The following WWTR1 variants were observed in gnomAD, a reference collection of about 807,000 sequenced individuals.
The protein encoded by WWTR1 is WW domain-containing transcription regulator protein 1.
In WWTR1, 13 loss-of-function variants were observed where a neutral mutation model predicts 40.1. The ratio of observed to expected loss-of-function variants is 0.32; its 90% CI spans 0.21 to 0.52. The LOEUF is 0.52. Among genes scored for constraint, WWTR1 ranks in the 20% least tolerant of loss-of-function variants. WWTR1 has a pLI of 0.97. For missense variants in WWTR1, 436 were observed against 523.1 expected (o/e 0.83, Z 1.63); for synonymous variants, 230 against 210.1 (o/e 1.09, Z -0.82).
rs139883105 is a variant in WWTR1, at chr3:149,550,431, A to G, written c.569-7894T>C. ...CTGAAAGAGATATATGAATTCAACAACTCGTTTCTCAAACTTGCAAGGCTG... is the reference window on the plus strand; with the variant it reads ...CTGAAAGAGATATATGAATTCAACAGCTCGTTTCTCAAACTTGCAAGGCTG... On this transcript the variant is annotated intron_variant, in intron 3 of 6. Coordinates refer to ENST00000360632, the MANE Select transcript of WWTR1 (RefSeq NM_015472.6). Among the ~76,000 whole-genome samples the G allele has an allele frequency of 3.4e-3, 522 of 152,206 alleles. 2 individuals carry two copies. Among genetic ancestry groups the G allele is most frequent in the Non-Finnish European group, 5.9e-3 (399 of 68,014 alleles).
chr3:149,711,677 C>T (rs1267819513), intron 5 of WWTR1, among the ~76,000 whole-genome samples: 1 of 152,190 alleles, frequency 6.6e-6, no homozygotes, highest in Non-Finnish European at 1.5e-5. Context: ...GTTTTCATCT[C>T]ACCTATTTTA....
At chr3:149,659,337 T>A (rs1265438219), upstream of WWTR1, 2 of 140,754 alleles carry the variant, frequency 1.4e-5, no homozygotes, top group Non-Finnish European at 3.1e-5. Flanking sequence ...CTTAATTTTT[T>A]TTTTTTTTTT....
In WWTR1 at chr3:149,542,507, G is replaced by A. The variant is rs761764314; in HGVS notation, c.599C>T (p.Ala200Val). 9.3e-6 allele frequency: 15 copies of A among 1,612,640 alleles called. No homozygotes were observed. Among genetic ancestry groups the A allele is most frequent in the Non-Finnish European group, 1.0e-5 (12 of 1,179,204 alleles). Reference protein sequence around the residue: ...VMNHQHQQQMAPSTLSQQNHP... With the variant: ...VMNHQHQQQMVPSTLSQQNHP... ...GTTCTGCTGGCTCAGGGTACTGGGG[G>A]CCATCTGCTGCTGGTGTTGGTGATT... Residue 200 changes from alanine (A) to valine (V), a missense_variant, in exon 4 of 7, where the codon GCC (alanine) becomes GTC (valine). Physicochemically the swap from Ala to Val is moderately conservative, Grantham distance 64 (BLOSUM62 0). Coordinates refer to ENST00000360632, the MANE Select transcript of WWTR1 (RefSeq NM_015472.6).
upstream of WWTR1, among the ~76,000 whole-genome samples, chr3:149,662,341 C>A (rs529210540): frequency 5.9e-5 from 9 of 152,276 alleles, no homozygotes; most frequent in South Asian, 1.0e-3. Flanking sequence ...AACTCCACAG[C>A]TTTTATAAGA....
At chr3:149,527,446 C>T (rs986566930) in intron 5 of WWTR1, among the ~76,000 whole-genome samples, 49 of 152,140 alleles carry the variant, frequency 3.2e-4, no homozygotes, top group African/African-American at 1.2e-3. Flanking sequence ...CATGCCTGGC[C>T]GAACATAATC....
chr3:149,581,408 T>C (rs1031549714), intron 2 of WWTR1, among the ~76,000 whole-genome samples: 1 of 152,154 alleles, frequency 6.6e-6, no homozygotes, highest in Non-Finnish European at 1.5e-5. Flanking sequence ...AGAAATGTGT[T>C]AGATGAGAAA....
At chr3:149,597,334 A>G (rs1386099944) in intron 2 of WWTR1, among the ~76,000 whole-genome samples, 2 of 151,224 alleles carry the variant, frequency 1.3e-5, no homozygotes, top group Non-Finnish European at 2.9e-5. Flanking sequence ...ATAGGCCAGG[A>G]GCCTGTAATC....
intron 1 of WWTR1, among the ~76,000 whole-genome samples, chr3:149,679,839 G>A (rs932510196): frequency 6.6e-6 from 1 of 152,168 alleles, no homozygotes; most frequent in Non-Finnish European, 1.5e-5. Context: ...CCATCTGCAA[G>A]CCTGCCACTA....
At chr3:149,521,477 C>T (rs796642060) in intron 6 of WWTR1, among the ~76,000 whole-genome samples, 3 of 152,274 alleles carry the variant, frequency 2.0e-5, no homozygotes, top group African/African-American at 7.2e-5. Context: ...GTTCTGCAGA[C>T]GTTTTCCCTC....
chr3:149,587,455 C>A (rs979297577), intron 2 of WWTR1, among the ~76,000 whole-genome samples: 3 of 152,112 alleles, frequency 2.0e-5, no homozygotes, highest in Admixed American at 2.0e-4. Context: ...TGGGAAGCGC[C>A]GGCAGATGAT....
At chr3:149,632,202 C>A (rs1412505171) in intron 2 of WWTR1, among the ~76,000 whole-genome samples, 1 of 152,092 alleles carries the variant, frequency 6.6e-6, no homozygotes, top group Non-Finnish European at 1.5e-5. Flanking sequence ...CGTGAGAGTA[C>A]TTTTTAAAAA....
chr3:149,692,759 A>G (rs1714866443), intron 1 of WWTR1, among the ~76,000 whole-genome samples: 1 of 152,164 alleles, frequency 6.6e-6, no homozygotes, highest in Middle Eastern at 3.4e-3. Context: ...TCAGCCTCCC[A>G]AGTAGCTGGG....
upstream of WWTR1, among the ~76,000 whole-genome samples, chr3:149,704,922 G>C (rs1026767815): frequency 2.6e-5 from 4 of 150,982 alleles, no homozygotes; most frequent in African/African-American, 9.7e-5. Context: ...ACAAAGTCTT[G>C]AGAATATGCA....
At chr3:149,628,326 G>A (rs1189290620) in intron 2 of WWTR1, among the ~76,000 whole-genome samples, 5 of 152,176 alleles carry the variant, frequency 3.3e-5, no homozygotes, top group African/African-American at 4.8e-5. Context: ...CCGAGATCAC[G>A]CCACTGCACT....
intron 3 of WWTR1, among the ~76,000 whole-genome samples, chr3:149,555,713 AT>A (rs5853418): frequency 6.6e-6 from 1 of 151,932 alleles, no homozygotes; most frequent in East Asian, 1.9e-4. Flanking sequence ...ACTATAGATG[AT>A]TTTTTTTCTT....
At position 149,677,175 on chromosome 3, in the gene WWTR1, C is replaced by T. The variant is rs549877089; in HGVS notation, c.-107-7284G>A. Among the ~76,000 whole-genome samples the T allele has an allele frequency of 2.6e-3, 390 of 152,172 alleles. 6 individuals carry two copies. The highest frequency in any genetic ancestry group is 6.8e-3 in the Middle Eastern group (2 of 294). ...AGGTCATCCGCCCATCTCAGCCTCC[C>T]AAAGTGCTGGGATTACAGGAGTGAG... is the stretch of plus-strand genomic sequence containing the variant. On this transcript the variant is annotated intron_variant, in intron 1 of 7. Coordinates refer to the WWTR1 transcript ENST00000465804.
At chr3:149,544,162 C>G (rs898922831) in intron 3 of WWTR1, among the ~76,000 whole-genome samples, 1 of 151,784 alleles carries the variant, frequency 6.6e-6, no homozygotes, top group Non-Finnish European at 1.5e-5. Flanking sequence ...TTAAGTAGCC[C>G]AAATCTCCAT....
intron 2 of WWTR1, among the ~76,000 whole-genome samples, chr3:149,655,607 G>C (rs1369567082): frequency 4.6e-5 from 7 of 152,182 alleles, no homozygotes. Flanking sequence ...CATCAAGTCT[G>C]TTTCAGAATC....
intron 2 of WWTR1, among the ~76,000 whole-genome samples, chr3:149,643,718 C>T (rs897632559): frequency 6.6e-6 from 1 of 152,180 alleles, no homozygotes; most frequent in African/African-American, 2.4e-5. Flanking sequence ...ATTAGTACCT[C>T]AGGCCCTGTT....
Sources: gnomAD v4.1 joint callset for allele counts (sites outside exome capture counted in the v4.1 genomes callset) on GRCh38, gnomAD v4.1.1 for gene constraint, MANE v1.5 for transcripts, NCBI Gene and HGNC (gene_info 2026-07-23, HGNC 2026-07-21) for gene names.